NEK10: variants seen among roughly 807,000 people sequenced by gnomAD.
NEK10 encodes NIMA related kinase 10.
In NEK10, 122 loss-of-function variants were observed where a neutral mutation model predicts 159.8. The observed-to-expected ratio is 0.76, with a 90% CI of 0.66 to 0.89. The LOEUF is 0.89. Among genes scored for constraint, NEK10 ranks in the 40% least tolerant of loss-of-function variants. The pLI, the probability that NEK10 is intolerant of heterozygous loss-of-function variation, is 0.00. For missense variants in NEK10, 1,342 were observed against 1,323.1 expected, an observed-to-expected ratio of 1.01 and a Z score of -0.22; for synonymous variants, 466 against 457.1, an observed-to-expected ratio of 1.02 and a Z score of -0.25.
rs1161597750 is a variant in NEK10 at position 27,111,203 on chromosome 3, G to C, written c.*69C>G. On this transcript the variant is annotated 3_prime_UTR_variant, in exon 36 of 36. Coordinates refer to ENST00000691995, the MANE Select transcript of NEK10 (RefSeq NM_001394966.1). ...GCAGCACCCAATCCTTGGGCATCTT[G>C]CAATAGCGGCTGAAGTCCAGAACTT... 2.1e-6 allele frequency: 3 copies of C among 1,438,754 alleles called. No homozygotes were observed. The highest frequency in any genetic ancestry group is 3.4e-5 in the Admixed American group (2 of 58,226). 89.1% of individuals were successfully genotyped at this position (1,438,754 alleles called of 1,614,324 possible). A position where few individuals can be genotyped will look rare whatever the true frequency, so the allele number is the denominator to read the frequency against.
At chr3:27,288,866 T>C (rs1460745495) in intron 19 of NEK10, among the ~76,000 whole-genome samples, 3 of 152,184 alleles carry the variant, frequency 2.0e-5, no homozygotes, top group Non-Finnish European at 4.4e-5. Flanking sequence ...GGGAGATTGC[T>C]AGCTGTCCAC....
chr3:27,363,819 G>T (rs578015075), intron 1 of NEK10: 1 of 152,266 alleles, frequency 6.6e-6, no homozygotes, highest in East Asian at 1.9e-4. Flanking sequence ...ACAAGTCTGG[G>T]AATGTGAATT....
At chr3:27,190,119 A>G (rs141301167) in intron 26 of NEK10, among the ~76,000 whole-genome samples, 16 of 152,292 alleles carry the variant, frequency 1.1e-4, no homozygotes, top group African/African-American at 2.9e-4. Flanking sequence ...CAATATATTC[A>G]AACACATTAA....
At chr3:27,270,152 T>A (rs2041219617) in intron 22 of NEK10, among the ~76,000 whole-genome samples, 1 of 152,194 alleles carries the variant, frequency 6.6e-6, no homozygotes, top group Non-Finnish European at 1.5e-5. Context: ...ATAAAGAAAC[T>A]ACAGCTTCCA....
intron 32 of NEK10, among the ~76,000 whole-genome samples, chr3:27,129,491 A>T (rs150935268): frequency 2.6e-5 from 4 of 152,246 alleles, no homozygotes; most frequent in African/African-American, 9.6e-5. Context: ...ATTTATGAAC[A>T]GAAGTTGTTG....
At chr3:27,242,367 C>A (rs932415393) in intron 23 of NEK10, among the ~76,000 whole-genome samples, 4 of 152,236 alleles carry the variant, frequency 2.6e-5, no homozygotes, top group African/African-American at 9.6e-5. Flanking sequence ...ATCCTTCCAT[C>A]CATCCATCCA....
intron 22 of NEK10, among the ~76,000 whole-genome samples, chr3:27,275,011 T>C (rs1179549659): frequency 1.3e-5 from 2 of 152,194 alleles, no homozygotes; most frequent in African/African-American, 4.8e-5. Flanking sequence ...AACTCTACTG[T>C]ATTAACCTTA....
At chr3:27,226,354 A>C (rs564079935) in intron 23 of NEK10, among the ~76,000 whole-genome samples, 1 of 150,432 alleles carries the variant, frequency 6.6e-6, no homozygotes, top group African/African-American at 2.5e-5. Flanking sequence ...CACAGTTTTT[A>C]AAAAAAAGAA....
intron 19 of NEK10, among the ~76,000 whole-genome samples, chr3:27,290,215 C>T (rs2042899225): frequency 6.6e-6 from 1 of 152,166 alleles, no homozygotes; most frequent in Admixed American, 6.5e-5. Flanking sequence ...CTAATAAAGT[C>T]ATATTTGAGG....
chr3:27,156,628 C>A (rs1945451418), intron 30 of NEK10, among the ~76,000 whole-genome samples: 3 of 151,784 alleles, frequency 2.0e-5, no homozygotes, highest in African/African-American at 7.2e-5. Flanking sequence ...GCAAGAATGA[C>A]CATAATCAAA....
rs777030405 is a variant in NEK10, at chr3:27,328,641, C to A, written c.363-6380G>T. 6.3e-4 allele frequency among the ~76,000 whole-genome samples: 96 copies of A among 152,178 alleles called. 1 individual carries two copies. Among genetic ancestry groups the A allele is most frequent in the Non-Finnish European group, 1.2e-3 (83 of 68,006 alleles). On this transcript the variant is annotated intron_variant, in intron 5 of 35. Transcript: ENST00000691995. ...ACGGCCTTGTAAAATAAGAACAGGG[C>A]CTTTGGATTTTTTATCCAGGGAAGT...
chr3:27,278,631 T>C (rs2041935964), intron 22 of NEK10: 4 of 887,790 alleles, frequency 4.5e-6, no homozygotes, highest in Non-Finnish European at 5.4e-6. Flanking sequence ...TGTCATGTAC[T>C]AAAGTCCATG....
chr3:27,137,669 A>G (rs1200209422), intron 31 of NEK10, among the ~76,000 whole-genome samples: 3 of 152,206 alleles, frequency 2.0e-5, no homozygotes, highest in African/African-American at 7.2e-5. Flanking sequence ...TAGTTAGACA[A>G]TTCTGTGGTT....
At chr3:27,247,412 T>A (rs1034112182) in intron 23 of NEK10, among the ~76,000 whole-genome samples, 2 of 152,220 alleles carry the variant, frequency 1.3e-5, no homozygotes, top group African/African-American at 2.4e-5. Flanking sequence ...AGTCTGTTGA[T>A]ACAATGTATC....
At chr3:27,165,149 G>A (rs1277955367) in intron 29 of NEK10, among the ~76,000 whole-genome samples, 1 of 152,196 alleles carries the variant, frequency 6.6e-6, no homozygotes, top group Non-Finnish European at 1.5e-5. Context: ...AGATGGGATG[G>A]TGAAAATAAA....
At chr3:27,297,848 T>G (rs2043474861) in intron 13 of NEK10, among the ~76,000 whole-genome samples, 1 of 152,208 alleles carries the variant, frequency 6.6e-6, no homozygotes, top group African/African-American at 2.4e-5. Flanking sequence ...TATTTTGCAC[T>G]GAGATACTTG....
chr3:27,173,568 T>C (rs1947215445), intron 28 of NEK10, among the ~76,000 whole-genome samples: 1 of 152,202 alleles, frequency 6.6e-6, no homozygotes, highest in African/African-American at 2.4e-5. Flanking sequence ...GATGGACCAA[T>C]TAAGTTTGGA....
intron 23 of NEK10, among the ~76,000 whole-genome samples, chr3:27,211,026 A>G (rs1486244010): frequency 1.3e-5 from 2 of 152,236 alleles, no homozygotes; most frequent in Non-Finnish European, 2.9e-5. Flanking sequence ...AGCAGAAGAG[A>G]CTGACACTGC....
intron 25 of NEK10, among the ~76,000 whole-genome samples, chr3:27,195,767 A>C (rs1401762591): frequency 6.6e-6 from 1 of 152,184 alleles, no homozygotes; most frequent in Non-Finnish European, 1.5e-5. Context: ...TTCCCAGAGT[A>C]AGACAGGTCC....
Sources: allele counts gnomAD v4.1 joint callset (sites outside exome capture counted in the v4.1 genomes callset), GRCh38; gene constraint gnomAD v4.1.1; transcripts MANE v1.5; gene names NCBI Gene and HGNC (gene_info 2026-07-23, HGNC 2026-07-21).